Variants in AIDA observed in about 807,000 individuals in gnomAD.
AIDA encodes the protein axin interactor, dorsalization associated.
A neutral mutation model predicts 42.7 loss-of-function variants in AIDA; 18 were observed. That is an observed-to-expected ratio of 0.42 (90% CI 0.29 to 0.63). The LOEUF is 0.63. Ranked by LOEUF, AIDA falls within the 20% of genes least tolerant of loss-of-function variation. The pLI is 0.19. For missense variants in AIDA, 250 were observed against 354.1 expected (o/e 0.71, Z 2.36); for synonymous variants, 104 against 122.9 (o/e 0.85, Z 1.02).
chr1:222,673,591 ATGG>A (rs1338072303), intron 7 of AIDA, among the ~76,000 whole-genome samples, 156 bp from the exon 8 acceptor site: 1 of 151,832 alleles, frequency 6.6e-6, no homozygotes, highest in Non-Finnish European at 1.5e-5. Context: ...CCTGGCTAAC[ATGG>A]TGAAACCCCG....
At chr1:222,695,929 T>G (rs1057041072) in intron 2 of AIDA, among the ~76,000 whole-genome samples, 3 of 152,136 alleles carry the variant, frequency 2.0e-5, no homozygotes, top group African/African-American at 7.2e-5. Context: ...CAAATTGGAG[T>G]AACAAGTGCC....
At chr1:222,705,345 C>A (rs17163437) in intron 1 of AIDA, among the ~76,000 whole-genome samples, 29,172 of 152,120 alleles carry the variant, frequency 0.19, 4,354 homozygotes, top group African/African-American at 0.41. Context: ...TGGCCTACCA[C>A]CTACATGGAG....
intron 4 of AIDA, among the ~76,000 whole-genome samples, chr1:222,689,540 CATATATAT>C (rs1238062853): frequency 1.4e-5 from 1 of 72,780 alleles, no homozygotes; most frequent in African/African-American, 5.2e-5. Flanking sequence ...CACACACACA[CATATATAT>C]ACATATATAT....
At chr1:222,691,412 A>G (rs1182863221) in intron 4 of AIDA, among the ~76,000 whole-genome samples, 1 of 152,338 alleles carries the variant, frequency 6.6e-6, no homozygotes, top group East Asian at 1.9e-4. Context: ...AGTTTCCTCA[A>G]TTCTACAATG....
intron 7 of AIDA, 150 bp downstream of exon 7, chr1:222,675,946 T>C (rs1664535528): frequency 2.7e-6 from 2 of 749,018 alleles, no homozygotes; most frequent in African/African-American, 3.6e-5. Context: ...GATGACCTCT[T>C]CCAGGGACTT....
chr1:222,696,657 T>C (rs978603578), intron 2 of AIDA, among the ~76,000 whole-genome samples: 2 of 152,222 alleles, frequency 1.3e-5, no homozygotes, highest in South Asian at 4.1e-4. Flanking sequence ...AATATAGCAA[T>C]ATATATAATA....
At position 222,712,304 on chromosome 1, in the gene AIDA, G is replaced by A; in HGVS notation, c.14C>T (p.Thr5Ile). The A allele has an allele frequency of 1.9e-6, 3 of 1,566,828 alleles. No homozygotes were observed. Among genetic ancestry groups the A allele is most frequent in the Non-Finnish European group, 2.6e-6 (3 of 1,155,912 alleles). Residue 5 changes from threonine (T) to isoleucine (I), a missense_variant, in exon 1 of 10, where the codon ACC becomes ATC. By Grantham distance (89) the Thr-to-Ile change is moderately conservative. Transcript: ENST00000340020. The stretch of plus-strand genomic sequence containing the variant: ...GCCCCAGCGCTGCAGCAGACTCCGG[G>A]TCACCTCCGACATGGCCGGTCCCCA... MSEV[T>I]RSLLQRWGAS... is the part of the protein sequence containing the mutation.
At chr1:222,709,864 T>C (rs1427501924) in intron 1 of AIDA, among the ~76,000 whole-genome samples, 3 of 152,220 alleles carry the variant, frequency 2.0e-5, no homozygotes, top group Non-Finnish European at 4.4e-5. Flanking sequence ...CCCTAACCCT[T>C]AGTTGTTGAG....
intron 6 of AIDA, among the ~76,000 whole-genome samples, chr1:222,684,265 C>T (rs1035663597): frequency 2.6e-5 from 4 of 152,108 alleles, no homozygotes; most frequent in African/African-American, 4.8e-5. Context: ...GTGCCCACCA[C>T]CACGCCTGGC....
At chr1:222,670,358 T>G in intron 8 of AIDA, 108 bp from the exon 9 acceptor site, 1 of 843,464 alleles carries the variant, frequency 1.2e-6, no homozygotes. Context: ...CTGGCATAAT[T>G]TGACAAAACA....
intron 5 of AIDA, 26 bp from the exon 6 acceptor site, chr1:222,687,062 C>A: frequency 6.2e-7 from 1 of 1,605,222 alleles, no homozygotes; most frequent in South Asian, 1.1e-5. Context: ...GCAGAAAAAA[C>A]AACAAACTGC....
At chr1:222,711,952 A>G in intron 1 of AIDA, 1 of 463,060 alleles carries the variant, frequency 2.2e-6, no homozygotes, top group Non-Finnish European at 3.9e-6. Flanking sequence ...GCCCCAGGAA[A>G]GAAGGGCTAC....
intron 1 of AIDA, among the ~76,000 whole-genome samples, chr1:222,710,469 G>A (rs1259255602): frequency 6.6e-6 from 1 of 152,186 alleles, no homozygotes; most frequent in Non-Finnish European, 1.5e-5. Flanking sequence ...ACTTTCCATT[G>A]TGAAGTCGGC....
intron 2 of AIDA, among the ~76,000 whole-genome samples, chr1:222,696,950 T>C (rs1307335020): frequency 6.6e-6 from 1 of 150,928 alleles, no homozygotes; most frequent in Non-Finnish European, 1.5e-5. Flanking sequence ...TTTGTTTTTG[T>C]TTTTTTTTAA....
intron 4 of AIDA, among the ~76,000 whole-genome samples, chr1:222,689,591 A>G (rs929910280): frequency 3.5e-5 from 5 of 143,154 alleles, no homozygotes; most frequent in African/African-American, 1.3e-4. Flanking sequence ...ACACACACAC[A>G]CACATATATA....
chr1:222,679,299 G>A (rs1320962358), intron 6 of AIDA, among the ~76,000 whole-genome samples: 1 of 142,404 alleles, frequency 7.0e-6, no homozygotes, highest in Non-Finnish European at 1.6e-5. Flanking sequence ...ACATTCAACT[G>A]TATAGAGTAA....
intron 1 of AIDA, 27 bp from the exon 2 acceptor site, chr1:222,703,244 A>G: frequency 6.4e-7 from 1 of 1,563,066 alleles, no homozygotes; most frequent in Non-Finnish European, 8.7e-7. Context: ...TATTCTTTAG[A>G]ATGGAAGAAA....
intron 1 of AIDA, among the ~76,000 whole-genome samples, chr1:222,708,152 T>A (rs981967988): frequency 1.3e-5 from 2 of 150,366 alleles, no homozygotes; most frequent in Non-Finnish European, 3.0e-5. Context: ...CTACTAAAAA[T>A]AAAAAAAAAT....
At chr1:222,682,546 T>C (rs1664672724) in intron 6 of AIDA, among the ~76,000 whole-genome samples, 2 of 152,194 alleles carry the variant, frequency 1.3e-5, no homozygotes, top group Admixed American at 6.5e-5. Flanking sequence ...ATCAGGTGTC[T>C]AAAATGCAAA....
Sources: gnomAD v4.1 joint callset for allele counts (sites outside exome capture counted in the v4.1 genomes callset) on GRCh38, gnomAD v4.1.1 for gene constraint, MANE v1.5 for transcripts, NCBI Gene and HGNC (gene_info 2026-07-23, HGNC 2026-07-21) for gene names.